SPECC1L: variants seen among roughly 807,000 people sequenced by gnomAD.
SPECC1L encodes the protein sperm antigen with calponin homology and coiled-coil domains 1 like.
Under a neutral mutation model 116.8 loss-of-function variants are expected in SPECC1L, and 40 were observed. That is an observed-to-expected ratio of 0.34 (90% CI 0.27 to 0.45). The LOEUF (loss-of-function observed/expected upper bound fraction) is 0.45. Among genes scored for constraint, SPECC1L ranks in the 20% least tolerant of loss-of-function variants. The pLI, the probability that SPECC1L is intolerant of heterozygous loss-of-function variation, is 1.00. For synonymous variants in SPECC1L, 504 were observed against 500.6 expected (o/e 1.01, Z -0.09); for missense variants, 1,110 against 1,373.6 (o/e 0.81, Z 3.03).
chr22:24,331,997 A>C (rs2040947892), intron 8 of SPECC1L, among the ~76,000 whole-genome samples: 1 of 152,242 alleles, frequency 6.6e-6, no homozygotes, highest in African/African-American at 2.4e-5. Flanking sequence ...ACTATACTGA[A>C]GAGTGAGGTC....
At chr22:24,383,162 C>T (rs1426177869) in intron 14 of SPECC1L, among the ~76,000 whole-genome samples, 1 of 152,346 alleles carries the variant, frequency 6.6e-6, no homozygotes, top group East Asian at 1.9e-4. Flanking sequence ...CAGAAGTTAT[C>T]AGCTTTAAAT....
At chr22:24,287,841 C>T (rs2049071427) in intron 2 of SPECC1L, among the ~76,000 whole-genome samples, 1 of 152,124 alleles carries the variant, frequency 6.6e-6, no homozygotes, top group African/African-American at 2.4e-5. Context: ...TTCTTTCCTT[C>T]TTGCCGGTGA....
intron 10 of SPECC1L, among the ~76,000 whole-genome samples, chr22:24,342,497 C>G (rs566317006): frequency 1.4e-4 from 21 of 151,904 alleles, no homozygotes; most frequent in Non-Finnish European, 2.4e-4. Context: ...ATGGCGAAAC[C>G]CCATCTCTAC....
At chr22:24,370,685 G>T (rs968631995) in intron 14 of SPECC1L, among the ~76,000 whole-genome samples, 5 of 152,176 alleles carry the variant, frequency 3.3e-5, no homozygotes, top group African/African-American at 1.2e-4. Flanking sequence ...AGTGTCTGTC[G>T]ATAGAAGAAT....
intron 2 of SPECC1L, among the ~76,000 whole-genome samples, chr22:24,282,426 A>G (rs2048961355): frequency 6.6e-6 from 1 of 152,234 alleles, no homozygotes; most frequent in Non-Finnish European, 1.5e-5. Context: ...GGAATGAGCA[A>G]GGACAACTGG....
chr22:24,394,655 C>T (rs1172380570), intron 14 of SPECC1L, among the ~76,000 whole-genome samples: 3 of 152,200 alleles, frequency 2.0e-5, no homozygotes, highest in Non-Finnish European at 1.5e-5. Context: ...TTACCACCAG[C>T]AGTGAAGGAG....
rs1215294945 is a variant in SPECC1L at position 24,417,408 on chromosome 22, G to C, written c.*2785G>C. The C allele has an allele frequency of 6.6e-6, 1 of 152,360 alleles. No individual in the cohort carries two copies. Among genetic ancestry groups the C allele is most frequent in the Non-Finnish European group, 1.5e-5 (1 of 68,070 alleles). 9.4% of individuals were successfully genotyped at this position (152,360 alleles called of 1,614,324 possible). A position where few individuals can be genotyped will look rare whatever the true frequency, so the allele number is the denominator to read the frequency against. ...CAAGGCGCACTTCCTCATGTGGGCA[G>C]ATCCTGACCAGGAGTCCAGGGTGGC... On this transcript the variant is annotated 3_prime_UTR_variant, in exon 17 of 17. Coordinates refer to ENST00000314328, the MANE Select transcript of SPECC1L (RefSeq NM_015330.6).
chr22:24,363,378 G>A (rs779059279), intron 12 of SPECC1L, 34 bp downstream of exon 12: 4 of 1,586,788 alleles, frequency 2.5e-6, no homozygotes, highest in Admixed American at 1.7e-5. Flanking sequence ...TGTTGTATTT[G>A]TTGTTTTTTA....
intron 14 of SPECC1L, among the ~76,000 whole-genome samples, chr22:24,404,029 C>G (rs2042533321): frequency 6.6e-6 from 1 of 152,202 alleles, no homozygotes; most frequent in Non-Finnish European, 1.5e-5. Flanking sequence ...CATGGCAACT[C>G]ATATGTTTCT....
intron 14 of SPECC1L, among the ~76,000 whole-genome samples, chr22:24,386,856 G>A (rs749840193): frequency 8.5e-5 from 13 of 152,140 alleles, no homozygotes; most frequent in East Asian, 3.9e-4. Context: ...AGCCCACCTC[G>A]GCCTCCTAAA....
chr22:24,281,077 T>TC (rs2048934068), intron 2 of SPECC1L, among the ~76,000 whole-genome samples: 1 of 152,170 alleles, frequency 6.6e-6, no homozygotes, highest in South Asian at 2.1e-4. Context: ...GGAGTTAGAC[T>TC]TAAGGTAGTA....
At chr22:24,315,045 C>A (rs376002761) in intron 4 of SPECC1L, among the ~76,000 whole-genome samples, 1 of 152,234 alleles carries the variant, frequency 6.6e-6, no homozygotes, top group East Asian at 1.9e-4. Flanking sequence ...TTTAAAACTT[C>A]TAGTAAACAT....
intron 11 of SPECC1L, among the ~76,000 whole-genome samples, chr22:24,358,221 C>T (rs1001212106): frequency 2.7e-5 from 4 of 150,172 alleles, no homozygotes; most frequent in African/African-American, 7.4e-5. Flanking sequence ...CTCAAGCTGT[C>T]CTCCCACGTC....
chr22:24,336,835 C>T (rs538713101), intron 9 of SPECC1L, among the ~76,000 whole-genome samples: 16 of 152,230 alleles, frequency 1.1e-4, no homozygotes, highest in African/African-American at 3.9e-4. Flanking sequence ...CCTGACTTAA[C>T]GATGCTTTAA....
At chr22:24,397,456 A>G (rs2042390238) in intron 14 of SPECC1L, among the ~76,000 whole-genome samples, 1 of 152,078 alleles carries the variant, frequency 6.6e-6, no homozygotes, top group Non-Finnish European at 1.5e-5. Context: ...AGGGAAGACC[A>G]GTTGTCCTTT....
chr22:24,407,802 T>C (rs1250529500), intron 14 of SPECC1L, among the ~76,000 whole-genome samples: 1 of 152,190 alleles, frequency 6.6e-6, no homozygotes, highest in Non-Finnish European at 1.5e-5. Flanking sequence ...CCCTGCAAAT[T>C]ACGGAGCAAG....
intron 2 of SPECC1L, among the ~76,000 whole-genome samples, chr22:24,290,612 AC>A (rs1448910540): frequency 2.0e-5 from 3 of 152,160 alleles, no homozygotes; most frequent in Admixed American, 6.5e-5. Flanking sequence ...AAGGCATCTT[AC>A]CCCTGCTTCT....
In SPECC1L at chr22:24,302,394, T is replaced by C. The variant is rs2049399213; in HGVS notation, c.153+10T>C. Reference sequence around the variant, plus strand: ...AGCATCATTGTCAAAGGTATTCATGTGATGTTTGAATACATGATGGGTTTT... The same window carrying C: ...AGCATCATTGTCAAAGGTATTCATGCGATGTTTGAATACATGATGGGTTTT... On this transcript the variant is annotated intron_variant, in intron 3 of 16. Transcript: ENST00000314328. The C allele has an allele frequency of 1.2e-6, 2 of 1,613,936 alleles. No homozygotes were observed. The highest frequency in any genetic ancestry group is 4.5e-5 in the East Asian group (2 of 44,882).
At chr22:24,327,291 A>C (rs570946848) in intron 6 of SPECC1L, among the ~76,000 whole-genome samples, 6 of 147,048 alleles carry the variant, frequency 4.1e-5, no homozygotes, top group East Asian at 3.9e-4. Flanking sequence ...AAAAAAAAAA[A>C]AAAAAAAAAA....
Sources: gnomAD v4.1 joint callset for allele counts (sites outside exome capture counted in the v4.1 genomes callset) on GRCh38, gnomAD v4.1.1 for gene constraint, MANE v1.5 for transcripts, NCBI Gene and HGNC (gene_info 2026-07-23, HGNC 2026-07-21) for gene names.